The following COP1 variants were observed in gnomAD, a reference collection of about 807,000 sequenced individuals.
COP1 encodes the protein E3 ubiquitin-protein ligase COP1.
Under a neutral mutation model 101.3 loss-of-function variants are expected in COP1, and 24 were observed. That is an observed-to-expected ratio of 0.24 (90% confidence interval 0.17 to 0.33). COP1 has a LOEUF of 0.33. COP1 is among the 10% of genes least tolerant of loss of function. The probability of loss-of-function intolerance (pLI) is 1.00; values close to 1 mark genes in which losing one functional copy is unlikely to be tolerated. For missense variants in COP1, 663 were observed against 906.2 expected, an observed-to-expected ratio of 0.73 and a Z score of 3.45; for synonymous variants, 347 against 341.9, an observed-to-expected ratio of 1.01 and a Z score of -0.17.
intron 15 of COP1, among the ~76,000 whole-genome samples, chr1:176,021,159 T>C (rs1228450945): frequency 1.3e-5 from 2 of 152,200 alleles, no homozygotes; most frequent in Non-Finnish European, 2.9e-5. Flanking sequence ...GGAATCAGTT[T>C]CTATGAAATA....
chr1:176,103,355 G>A (rs983937797), intron 9 of COP1, among the ~76,000 whole-genome samples: 2 of 152,148 alleles, frequency 1.3e-5, no homozygotes, highest in South Asian at 4.1e-4. Flanking sequence ...AAGCGGGTGA[G>A]GCCTGGAGAT....
chr1:176,165,360 T>TGGTGTG (rs1558240408), intron 3 of COP1, among the ~76,000 whole-genome samples: 1 of 104,378 alleles, frequency 9.6e-6, no homozygotes, highest in Non-Finnish European at 2.1e-5. Flanking sequence ...GAGATGTGTG[T>TGGTGTG]CGTGTGTGTG....
intron 13 of COP1, 123 bp downstream of exon 13, chr1:176,043,587 C>T: frequency 2.9e-6 from 2 of 694,302 alleles, no homozygotes; most frequent in Non-Finnish European, 5.1e-6. Context: ...ATAGGTGTTA[C>T]ACAGGTATAA....
intron 8 of COP1, chr1:176,134,018 CA>C (rs1248880871): frequency 2.7e-6 from 1 of 375,400 alleles, no homozygotes; most frequent in African/African-American, 2.1e-5. Flanking sequence ...AACGAACTCA[CA>C]AGGATTCTCC....
intron 11 of COP1, among the ~76,000 whole-genome samples, chr1:176,060,808 C>T (rs1037516312): frequency 1.3e-5 from 2 of 152,028 alleles, no homozygotes; most frequent in African/African-American, 4.8e-5. Flanking sequence ...TATCAGTTAA[C>T]ACAGCAGACT....
intron 8 of COP1, among the ~76,000 whole-genome samples, chr1:176,130,332 AAAAG>A (rs1688683710): frequency 1.3e-5 from 2 of 151,818 alleles, no homozygotes; most frequent in Non-Finnish European, 3.0e-5. Context: ...GATAATAAGT[AAAAG>A]AGACTATGCT....
chr1:176,080,397 TAGA>T (rs1464070609), intron 11 of COP1, among the ~76,000 whole-genome samples: 15 of 151,878 alleles, frequency 9.9e-5, no homozygotes, highest in African/African-American at 3.4e-4. Context: ...CCTCAAAAAG[TAGA>T]AGAATAAAAA....
At chr1:176,092,274 A>C (rs1207069721) in intron 9 of COP1, among the ~76,000 whole-genome samples, 2 of 152,174 alleles carry the variant, frequency 1.3e-5, no homozygotes, top group Non-Finnish European at 2.9e-5. Context: ...TGCATAGAAC[A>C]TTTACAAAAA....
intron 11 of COP1, among the ~76,000 whole-genome samples, chr1:176,072,893 AAT>A (rs1677258898): frequency 1.3e-5 from 2 of 152,168 alleles, no homozygotes; most frequent in African/African-American, 4.8e-5. Context: ...TCCTTATAGG[AAT>A]AGGGATACAC....
chr1:176,136,562 G>T lies in COP1; in HGVS notation c.832-15C>A, dbSNP rs1418856008. ...TGTTCCAGTTGCTGCAGATTAAATA[G>T]AGAGAGAAAGACAAAAAAAAAAAAG... On this transcript the variant is annotated splice_polypyrimidine_tract_variant and intron_variant, in intron 6 of 19. Coordinates refer to ENST00000367669, the MANE Select transcript of COP1 (RefSeq NM_022457.7). 3 of 1,520,954 alleles carry T rather than the reference G, an allele frequency of 2.0e-6. No individual in the cohort carries two copies. The highest frequency in any genetic ancestry group is 2.7e-6 in the Non-Finnish European group (3 of 1,127,636). 94.2% of individuals were successfully genotyped at this position (1,520,954 alleles called of 1,614,324 possible).
intron 8 of COP1, among the ~76,000 whole-genome samples, chr1:176,127,321 CTTTG>C (rs1688163057): frequency 6.6e-6 from 1 of 152,134 alleles, no homozygotes; most frequent in African/African-American, 2.4e-5. Flanking sequence ...CTAACTATAA[CTTTG>C]TACTCACTGA....
intron 15 of COP1, among the ~76,000 whole-genome samples, chr1:176,010,675 T>C (rs1664501403): frequency 6.6e-6 from 1 of 152,204 alleles, no homozygotes; most frequent in Admixed American, 6.5e-5. Flanking sequence ...CTTCTGGCCT[T>C]TTCAGTATAA....
chr1:175,961,461 C>T (rs908077140), intron 18 of COP1, among the ~76,000 whole-genome samples: 5 of 151,906 alleles, frequency 3.3e-5, no homozygotes, highest in Non-Finnish European at 5.9e-5. Context: ...TGTGCTGGGT[C>T]CTGGAATTTC....
At position 175,956,707 on chromosome 1, in the gene COP1, A is replaced by G. The variant is rs368730232; in HGVS notation, c.2134-9468T>C. Among the ~76,000 whole-genome samples the G allele has an allele frequency of 3.9e-5, 6 of 152,316 alleles. No homozygotes were observed. The East Asian group carries it at 1.2e-3, about 29-fold the overall frequency. On this transcript the variant is annotated intron_variant, in intron 18 of 19. Coordinates refer to ENST00000367669, the MANE Select transcript of COP1 (RefSeq NM_022457.7). The stretch of plus-strand genomic sequence containing the variant: ...TGGTCAACGATGGGTCACATATATG[A>G]TGGTGGTCCAATAAGATTATTGTAC...
rs1332819738 is a variant in COP1 at position 175,988,230 on chromosome 1, T to C, written c.1972+58A>G. On this transcript the variant is annotated intron_variant, in intron 17 of 19. Coordinates refer to ENST00000367669, the MANE Select transcript of COP1 (RefSeq NM_022457.7). Reference sequence around the variant, plus strand: ...TAGTATTTATTCTATTTCCACTGAGTTCAATTTCAATAACAAACACCTGTT... The same window carrying C: ...TAGTATTTATTCTATTTCCACTGAGCTCAATTTCAATAACAAACACCTGTT... 6 of 1,515,510 alleles carry C rather than the reference T, an allele frequency of 4.0e-6. No homozygotes were observed. In the African/African-American group the frequency reaches 8.3e-5, roughly 21 times the overall value. The allele number at this position is 1,515,510 out of a possible 1,614,324, so 93.9% of individuals were successfully genotyped here.
chr1:176,113,082 G>A (rs960957943), intron 9 of COP1, among the ~76,000 whole-genome samples: 2 of 152,096 alleles, frequency 1.3e-5, no homozygotes, highest in African/African-American at 4.8e-5. Flanking sequence ...TGGGGTTGTT[G>A]GAACATATGA....
chr1:175,973,754 A>G (rs1326103439), intron 18 of COP1, among the ~76,000 whole-genome samples: 1 of 152,214 alleles, frequency 6.6e-6, no homozygotes, highest in East Asian at 1.9e-4. Flanking sequence ...CTACCCAATG[A>G]ACACTCTAAT....
Position 176,170,297 on chromosome 1 carries a change from AG to A in COP1, c.565+5612del, listed in dbSNP as rs1241511558. Among the ~76,000 whole-genome samples, 13 of 152,334 alleles carry A rather than the reference AG, an allele frequency of 8.5e-5. 1 individual carries two copies. Among genetic ancestry groups the A allele is most frequent in the African/African-American group, 3.1e-4 (13 of 41,576 alleles). On this transcript the variant is annotated intron_variant, in intron 3 of 19. Coordinates refer to ENST00000367669, the MANE Select transcript of COP1 (RefSeq NM_022457.7). ...TCTAGAATGGTGAATCCTTTCCAAA[AG>A]GTTTTCCATTTACTTTGCCCAGATC...
intron 9 of COP1, among the ~76,000 whole-genome samples, chr1:176,103,512 C>T (rs370093591): frequency 1.3e-5 from 2 of 152,284 alleles, no homozygotes. Context: ...TCTTCCCTAC[C>T]TTGGAATATT....
Sources: allele counts gnomAD v4.1 joint callset (sites outside exome capture counted in the v4.1 genomes callset), GRCh38; gene constraint gnomAD v4.1.1; transcripts MANE v1.5; gene names NCBI Gene and HGNC (gene_info 2026-07-23, HGNC 2026-07-21).